Variants in PAQR5 observed in about 807,000 individuals in gnomAD.
The protein encoded by PAQR5 is progestin and adipoQ receptor family member 5, also known as membrane progestin receptor gamma.
A neutral mutation model predicts 34.5 loss-of-function variants in PAQR5; 20 were observed. The ratio of observed to expected loss-of-function variants is 0.58; its 90% CI spans 0.41 to 0.84. The LOEUF (loss-of-function observed/expected upper bound fraction) is 0.84, where lower values mean the gene tolerates loss of function less well. PAQR5 is among the 40% of genes least tolerant of loss of function. PAQR5 has a pLI of 0.00. For missense variants in PAQR5, 378 were observed against 412.7 expected (o/e 0.92, Z 0.73); for synonymous variants, 131 against 155.6 (o/e 0.84, Z 1.18).
chr15:69,311,878 C>T (rs1393175961), intron 1 of PAQR5, among the ~76,000 whole-genome samples: 2 of 152,122 alleles, frequency 1.3e-5, no homozygotes, highest in African/African-American at 4.8e-5. Flanking sequence ...CAATTAAAAT[C>T]CTGCAGGTAC....
rs1302577834 is a variant in PAQR5 at position 69,384,702 on chromosome 15, G to A, written c.205G>A (p.Ala69Thr). Reference protein sequence around the residue: ...FWFFAWRFVTALYMTDIKNDS... With the variant: ...FWFFAWRFVTTLYMTDIKNDS... ...GTTCTTTGCATGGAGGTTTGTGACT[G>A]CACTGTATATGACAGACATCAAGAA... Residue 69 changes from alanine to threonine, a missense_variant, in exon 5 of 9, where the codon GCA (alanine) becomes ACA (threonine). Transcript: ENST00000395407. 1.2e-6 allele frequency: 2 copies of A among 1,613,966 alleles called. No homozygotes were observed. Among genetic ancestry groups the A allele is most frequent in the South Asian group, 2.2e-5 (2 of 91,082 alleles).
intron 8 of PAQR5, among the ~76,000 whole-genome samples, chr15:69,402,541 C>A (rs757817453): frequency 1.3e-5 from 2 of 152,142 alleles, no homozygotes; most frequent in Non-Finnish European, 2.9e-5. Context: ...TGGTCTCTAT[C>A]TCCTGACCTC....
intron 1 of PAQR5, among the ~76,000 whole-genome samples, chr15:69,322,744 A>AGGG (rs1566997720): frequency 0.022 from 882 of 39,872 alleles, 189 homozygotes; most frequent in Middle Eastern, 0.026. Flanking sequence ...GAAGAAGAAG[A>AGGG]AGAAGAAGAA....
intron 2 of PAQR5, among the ~76,000 whole-genome samples, chr15:69,344,044 G>A (rs925799002): frequency 1.3e-5 from 2 of 152,174 alleles, no homozygotes; most frequent in African/African-American, 4.8e-5. Flanking sequence ...AAGTTGCCCA[G>A]GCTGGTTTTG....
chr15:69,321,900 T>C (rs907306785), intron 1 of PAQR5, among the ~76,000 whole-genome samples: 2 of 152,118 alleles, frequency 1.3e-5, no homozygotes, highest in Admixed American at 6.5e-5. Context: ...CTTGACCTGA[T>C]GGAAACCAGG....
chr15:69,397,400 A>G (rs755235709), intron 6 of PAQR5, 68 bp from the exon 7 acceptor site: 14 of 998,950 alleles, frequency 1.4e-5, no homozygotes, highest in Middle Eastern at 4.1e-4. Context: ...GTGTGCATGC[A>G]TGTGCGTATG....
chr15:69,389,112 G>A (rs562491021), intron 5 of PAQR5, among the ~76,000 whole-genome samples: 42 of 152,290 alleles, frequency 2.8e-4, no homozygotes, highest in Admixed American at 4.6e-4. Flanking sequence ...TGACATCCTC[G>A]TCTCAGCAAG....
intron 3 of PAQR5, 41 bp downstream of exon 3, chr15:69,360,172 T>C (rs2055195163): frequency 6.5e-7 from 1 of 1,530,632 alleles, no homozygotes; most frequent in African/African-American, 1.4e-5. Context: ...TTCCAGAGTG[T>C]GACCAGGGCT....
At chr15:69,303,305 A>G (rs1297443026) in intron 1 of PAQR5, among the ~76,000 whole-genome samples, 1 of 150,800 alleles carries the variant, frequency 6.6e-6, no homozygotes, top group Non-Finnish European at 1.5e-5. Flanking sequence ...GGGGTGCTTA[A>G]GAGGCCCTTG....
At chr15:69,320,460 C>T (rs2054068256) in intron 1 of PAQR5, among the ~76,000 whole-genome samples, 1 of 152,140 alleles carries the variant, frequency 6.6e-6, no homozygotes. Flanking sequence ...GCATCCCCTT[C>T]CAGCTCTGAC....
chr15:69,310,882 CA>C (rs1161124974), intron 1 of PAQR5, among the ~76,000 whole-genome samples: 6 of 150,972 alleles, frequency 4.0e-5, no homozygotes, highest in African/African-American at 7.3e-5. Context: ...ACTAAAAATA[CA>C]AAAAAATTAG....
intron 1 of PAQR5, among the ~76,000 whole-genome samples, chr15:69,328,804 G>T (rs2054311459): frequency 6.6e-6 from 1 of 152,226 alleles, no homozygotes; most frequent in African/African-American, 2.4e-5. Context: ...GGTGTGGGCT[G>T]GTTGCCTTGG....
At chr15:69,369,413 G>A (rs1308880105) in intron 3 of PAQR5, among the ~76,000 whole-genome samples, 1 of 152,144 alleles carries the variant, frequency 6.6e-6, no homozygotes, top group Non-Finnish European at 1.5e-5. Flanking sequence ...GCATGTGCCT[G>A]TAATCCCAGC....
Position 69,378,458 on chromosome 15 carries a change from A to AAAAAG in PAQR5, c.52-1424_52-1423insAAAGA, listed in dbSNP as rs1337532462. On this transcript the variant is annotated intron_variant, in intron 3 of 8. Transcript: ENST00000395407. ...TCTCAAAAAAAAAAAAAAAAAAAAA[A>AAAAAG]AGAGAGAGAGAGATAGCACAGACTC... 5.1e-4 allele frequency among the ~76,000 whole-genome samples: 74 copies of AAAAAG among 143,832 alleles called. 1 individual carries two copies. Among genetic ancestry groups the AAAAAG allele is most frequent in the African/African-American group, 2.0e-3 (72 of 35,900 alleles). 94.4% of individuals were successfully genotyped at this position (143,832 alleles called of 152,430 possible). A position where few individuals can be genotyped will look rare whatever the true frequency, so the allele number is the denominator to read the frequency against.
chr15:69,384,198 G>A (rs1265287178), intron 4 of PAQR5, among the ~76,000 whole-genome samples: 1 of 147,686 alleles, frequency 6.8e-6, no homozygotes, highest in Non-Finnish European at 1.5e-5. Context: ...TCACGGTGGA[G>A]GGTGAGCGGG....
chr15:69,355,288 TTTTCTTTCTTTCTTTCTTTC>T (rs202025030), intron 2 of PAQR5, among the ~76,000 whole-genome samples: 2 of 135,732 alleles, frequency 1.5e-5, no homozygotes, highest in African/African-American at 2.9e-5. Context: ...TCTTTCTTTC[TTTTCTTTCTTTCTTTCTTTC>T]TTTCTTTCTT....
intron 1 of PAQR5, among the ~76,000 whole-genome samples, chr15:69,337,056 A>G (rs2054529689): frequency 1.3e-5 from 2 of 152,228 alleles, no homozygotes; most frequent in Non-Finnish European, 2.9e-5. Flanking sequence ...AAATTGTACT[A>G]TTGGAATAGA....
intron 6 of PAQR5, among the ~76,000 whole-genome samples, chr15:69,393,630 G>T (rs1229673084): frequency 6.6e-6 from 1 of 152,080 alleles, no homozygotes; most frequent in African/African-American, 2.4e-5. Flanking sequence ...TGCTCCATCC[G>T]GCTGCAGTTG....
At chr15:69,369,039 G>A (rs874706) in intron 3 of PAQR5, among the ~76,000 whole-genome samples, 144,324 of 152,314 alleles carry the variant, frequency 0.95, 68,878 homozygotes, top group South Asian at 1. Context: ...CCAAAGTTTT[G>A]GCATTACAGG....
Sources: allele counts gnomAD v4.1 joint callset (sites outside exome capture counted in the v4.1 genomes callset), GRCh38; gene constraint gnomAD v4.1.1; transcripts MANE v1.5; gene names NCBI Gene and HGNC (gene_info 2026-07-23, HGNC 2026-07-21).